Variants in KAZN observed in about 807,000 individuals in gnomAD.
The protein encoded by KAZN is kazrin, periplakin interacting protein.
KAZN carries 40 observed loss-of-function variants against 87.4 expected under a neutral mutation model. The observed-to-expected ratio is 0.46, with a 90% CI of 0.36 to 0.60. The LOEUF is 0.60. KAZN is among the 20% of genes least tolerant of loss of function. The pLI, the probability that KAZN is intolerant of heterozygous loss-of-function variation, is 0.00. For missense variants in KAZN, 898 were observed against 1,073.9 expected (o/e 0.84, Z 2.29); for synonymous variants, 466 against 458.3 (o/e 1.02, Z -0.22).
At chr1:14,311,741 G>T (rs145365166) in intron 2 of KAZN, among the ~76,000 whole-genome samples, 2 of 152,146 alleles carry the variant, frequency 1.3e-5, no homozygotes, top group Non-Finnish European at 2.9e-5. Context: ...TGGATGGATG[G>T]AAGGATGAAT....
intron 1 of KAZN, among the ~76,000 whole-genome samples, chr1:14,624,153 T>C (rs538117915): frequency 1.9e-4 from 29 of 152,356 alleles, no homozygotes; most frequent in African/African-American, 7.0e-4. Flanking sequence ...CCGGGCACAG[T>C]GGCTCATGCC....
chr1:14,972,677 G>A (rs1187273426), intron 2 of KAZN, among the ~76,000 whole-genome samples: 2 of 152,040 alleles, frequency 1.3e-5, no homozygotes, highest in Non-Finnish European at 2.9e-5. Flanking sequence ...ACCACGCCCG[G>A]CTAATTTTTG....
chr1:13,918,422 A>G (rs531973375), intron 1 of KAZN, among the ~76,000 whole-genome samples: 2 of 152,376 alleles, frequency 1.3e-5, no homozygotes, highest in Admixed American at 1.3e-4. Context: ...TTGCAGTCTC[A>G]TGATAAAACT....
At chr1:14,114,730 G>A (rs941232277) in intron 1 of KAZN, among the ~76,000 whole-genome samples, 2 of 152,174 alleles carry the variant, frequency 1.3e-5, no homozygotes, top group African/African-American at 2.4e-5. Context: ...ATGACACACT[G>A]TCATTCTAGA....
At chr1:14,348,437 G>A (rs1266931177) in intron 2 of KAZN, among the ~76,000 whole-genome samples, 2 of 152,152 alleles carry the variant, frequency 1.3e-5, no homozygotes, top group Non-Finnish European at 2.9e-5. Context: ...TAGGGATTTT[G>A]AGCCAAAGCC....
chr1:14,235,017 A>G (rs1437903573), intron 2 of KAZN, among the ~76,000 whole-genome samples: 1 of 152,264 alleles, frequency 6.6e-6, no homozygotes, highest in South Asian at 2.1e-4. Flanking sequence ...TGTATGACCC[A>G]GCAATTCCAC....
At chr1:14,040,548 G>T (rs1164784140) in intron 1 of KAZN, among the ~76,000 whole-genome samples, 3 of 152,166 alleles carry the variant, frequency 2.0e-5, no homozygotes, top group Non-Finnish European at 4.4e-5. Context: ...GATCACCTGA[G>T]GTCAGGAGTT....
At chr1:14,541,313 A>G (rs544197403) in intron 2 of KAZN, among the ~76,000 whole-genome samples, 1 of 152,348 alleles carries the variant, frequency 6.6e-6, no homozygotes, top group East Asian at 1.9e-4. Context: ...GGACAGACCA[A>G]TGAAAAGGAA....
intron 1 of KAZN, among the ~76,000 whole-genome samples, chr1:14,000,069 A>T (rs1408842027): frequency 2.6e-5 from 4 of 152,202 alleles, no homozygotes; most frequent in African/African-American, 9.6e-5. Context: ...CCTACAAACA[A>T]CAAAAAAAGT....
intron 1 of KAZN, among the ~76,000 whole-genome samples, chr1:14,908,627 G>A (rs1214285407): frequency 6.6e-6 from 1 of 152,204 alleles, no homozygotes; most frequent in Non-Finnish European, 1.5e-5. Flanking sequence ...TGAGGTGGGA[G>A]GATTGCTTGA....
intron 2 of KAZN, among the ~76,000 whole-genome samples, chr1:14,209,176 A>G (rs1465309447): frequency 6.6e-6 from 1 of 152,164 alleles, no homozygotes; most frequent in African/African-American, 2.4e-5. Flanking sequence ...CTTCGTGCTG[A>G]CCCATCACAG....
At chr1:14,970,788 C>T (rs1378288531) in intron 2 of KAZN, among the ~76,000 whole-genome samples, 2 of 152,306 alleles carry the variant, frequency 1.3e-5, no homozygotes, top group Non-Finnish European at 2.9e-5. Context: ...TTTGCAAATG[C>T]ACAGACACCC....
chr1:14,397,558 A>G (rs1391227018), intron 2 of KAZN, among the ~76,000 whole-genome samples: 1 of 152,156 alleles, frequency 6.6e-6, no homozygotes, highest in African/African-American at 2.4e-5. Context: ...ACTCTGACCA[A>G]TAGAATAAGG....
chr1:14,826,843 A>G (rs1484085053), intron 1 of KAZN, among the ~76,000 whole-genome samples: 1 of 152,166 alleles, frequency 6.6e-6, no homozygotes, highest in African/African-American at 2.4e-5. Context: ...TCACCCACTC[A>G]GATTTTCATG....
At chr1:14,017,543 A>G (rs1240419139) in intron 1 of KAZN, among the ~76,000 whole-genome samples, 1 of 152,226 alleles carries the variant, frequency 6.6e-6, no homozygotes, top group Non-Finnish European at 1.5e-5. Flanking sequence ...GACCTGCCCA[A>G]GGGCATCACG....
At chr1:14,154,786 T>A (rs1856740) in intron 1 of KAZN, among the ~76,000 whole-genome samples, 1 of 152,052 alleles carries the variant, frequency 6.6e-6, no homozygotes, top group African/African-American at 2.4e-5. Context: ...GGTGACATTA[T>A]GCATCATATT....
Position 14,624,853 on chromosome 1 carries a change from G to A in KAZN, c.226+25630G>A, listed in dbSNP as rs148635499. On this transcript the variant is annotated intron_variant, in intron 1 of 14. Coordinates refer to ENST00000376030, the MANE Select transcript of KAZN (RefSeq NM_201628.3). ...CACAAGAATATTATAATTTGAGTTGGGTTAGTGACCCAACAGCAAAAGACC... is the reference window on the plus strand; with the variant it reads ...CACAAGAATATTATAATTTGAGTTGAGTTAGTGACCCAACAGCAAAAGACC... Among the ~76,000 whole-genome samples, 36 of 152,158 alleles carry A rather than the reference G, an allele frequency of 2.4e-4. No homozygotes were observed. The East Asian group carries it at 6.6e-3, about 28-fold the overall frequency.
At chr1:14,904,579 G>C (rs1656296138) in intron 1 of KAZN, among the ~76,000 whole-genome samples, 2 of 152,172 alleles carry the variant, frequency 1.3e-5, no homozygotes. Context: ...AGCACAGACA[G>C]GCCCGTGCGC....
intron 1 of KAZN, among the ~76,000 whole-genome samples, chr1:14,643,596 C>A (rs555319213): frequency 2.6e-5 from 4 of 152,140 alleles, no homozygotes; most frequent in Non-Finnish European, 4.4e-5. Context: ...GATTCCATGT[C>A]TTTTGCTATT....
Sources: allele counts gnomAD v4.1 joint callset (sites outside exome capture counted in the v4.1 genomes callset), GRCh38; gene constraint gnomAD v4.1.1; transcripts MANE v1.5; gene names NCBI Gene and HGNC (gene_info 2026-07-23, HGNC 2026-07-21).